PCDHGA2: variants seen among roughly 807,000 people sequenced by gnomAD.
The protein encoded by PCDHGA2 is protocadherin gamma-A2.
A neutral mutation model predicts 59.2 loss-of-function variants in PCDHGA2; 40 were observed. The ratio of observed to expected loss-of-function variants is 0.68; its 90% CI spans 0.52 to 0.88. PCDHGA2 has a LOEUF of 0.88. Among genes scored for constraint, PCDHGA2 ranks in the 40% least tolerant of loss-of-function variants. The pLI, the probability that PCDHGA2 is intolerant of heterozygous loss-of-function variation, is 0.00. For synonymous variants in PCDHGA2, 560 were observed against 526.0 expected, an observed-to-expected ratio of 1.06 and a Z score of -0.89; for missense variants, 1,226 against 1,204.0, an observed-to-expected ratio of 1.02 and a Z score of -0.27.
At chr5:141,437,741 CTT>C (rs35124340) in intron 1 of PCDHGA2, among the ~76,000 whole-genome samples, 17 of 141,612 alleles carry the variant, frequency 1.2e-4, no homozygotes, top group Admixed American at 2.1e-4. Flanking sequence ...TTGAGTTCAC[CTT>C]TTTTTTTTTT....
rs1596259997 is a variant in PCDHGA2, at chr5:141,509,990, A to G, written c.2573-957A>G. Among the ~76,000 whole-genome samples the G allele has an allele frequency of 2.6e-5, 4 of 152,266 alleles. No individual in the cohort carries two copies. The South Asian group carries it at 8.3e-4, about 32-fold the overall frequency. ...GGTCCTTCTAACACTTGGTTCCCTC[A>G]TCTGTAAAATGAGGGTCATACCACA... is the stretch of plus-strand genomic sequence containing the variant. On this transcript the variant is annotated intron_variant, in intron 3 of 3. Transcript: ENST00000394576.
chr5:141,472,290 C>T (rs2099275934), intron 1 of PCDHGA2, among the ~76,000 whole-genome samples: 2 of 152,096 alleles, frequency 1.3e-5, no homozygotes, highest in Admixed American at 6.6e-5. Flanking sequence ...ACCTGTAATC[C>T]CAGCACTTTG....
intron 1 of PCDHGA2, among the ~76,000 whole-genome samples, chr5:141,368,739 A>G (rs1261663293): frequency 6.6e-6 from 1 of 152,196 alleles, no homozygotes; most frequent in Non-Finnish European, 1.5e-5. Context: ...TATATACCAT[A>G]TACTTTTAAA....
Position 141,485,166 on chromosome 5 carries a change from C to T in PCDHGA2, c.2425-9641C>T, listed in dbSNP as rs1180453938. 2 of 1,606,374 alleles carry T rather than the reference C, an allele frequency of 1.2e-6. No individual in the cohort carries two copies. Among genetic ancestry groups the T allele is most frequent in the Non-Finnish European group, 8.5e-7 (1 of 1,174,214 alleles). ...CAGGAGCAAGTAGAGAATTAGCGGG[C>T]GGCAGCAATGCTCCGCAAGGTGAGA... On this transcript the variant is annotated intron_variant, in intron 1 of 3. Transcript: ENST00000394576. The surrounding 1 kb of genome is among the most constrained non-coding windows in gnomAD (Gnocchi z 5.7).
chr5:141,376,483 G>C (rs139873493), intron 1 of PCDHGA2: 3 of 1,614,058 alleles, frequency 1.9e-6, no homozygotes, highest in East Asian at 2.2e-5. Context: ...TACTTGAAAC[G>C]AAAGGAGAAC....
chr5:141,418,669 C>G, intron 1 of PCDHGA2: 1 of 1,614,018 alleles, frequency 6.2e-7, no homozygotes, highest in Non-Finnish European at 8.5e-7. Flanking sequence ...CTGACCAGGA[C>G]GAGGGCATCA....
At chr5:141,392,691 AC>A in intron 1 of PCDHGA2, 1 of 1,132,688 alleles carries the variant, frequency 8.8e-7, no homozygotes, top group Non-Finnish European at 1.2e-6. Context: ...GCGAAACCCG[AC>A]CCCTGTTTGG....
At chr5:141,422,348 A>G (rs1163115969) in intron 1 of PCDHGA2, 1 of 1,554,608 alleles carries the variant, frequency 6.4e-7, no homozygotes, top group Non-Finnish European at 8.7e-7. Context: ...AATGTGCAAG[A>G]TCAAGATTCT....
chr5:141,382,882 A>G, intron 1 of PCDHGA2: 1 of 1,528,134 alleles, frequency 6.5e-7, no homozygotes, highest in Non-Finnish European at 8.8e-7. Context: ...GCGCCTAAGC[A>G]AGAGAAGCAG....
At chr5:141,366,019 G>T in intron 1 of PCDHGA2, 2 of 1,614,226 alleles carry the variant, frequency 1.2e-6, no homozygotes, top group South Asian at 2.2e-5. Flanking sequence ...CTGAGATCCT[G>T]TACCCCGCCC....
chr5:141,376,310 G>C, intron 1 of PCDHGA2: 1 of 1,613,946 alleles, frequency 6.2e-7, no homozygotes. Flanking sequence ...CTTTGTGGGC[G>C]TGGAAGGGGT....
chr5:141,476,551 C>A lies in PCDHGA2; in HGVS notation c.2425-18256C>A, dbSNP rs367700651. 6.2e-7 allele frequency: 1 copy of A among 1,614,196 alleles called. No individual in the cohort carries two copies. The highest frequency in any genetic ancestry group is 1.7e-5 in the Admixed American group (1 of 60,028). ...CCCAGGAAATGAAATTGGAGATTAG[C>A]GAGGCCGTGGCTCCGGGGACGCGCT... On this transcript the variant is annotated intron_variant, in intron 1 of 3. Transcript: ENST00000394576. This position sits in a 1 kb window ranked among gnomAD's most constrained non-coding sequence, Gnocchi z 7.6.
intron 1 of PCDHGA2, chr5:141,351,101 T>C (rs765433940): frequency 6.2e-7 from 1 of 1,613,996 alleles, no homozygotes; most frequent in Non-Finnish European, 8.5e-7. Context: ...CTTCCTCAAT[T>C]CCCCAATAAG....
intron 1 of PCDHGA2, chr5:141,346,335 C>A: frequency 1.2e-6 from 2 of 1,614,240 alleles, no homozygotes; most frequent in Non-Finnish European, 1.7e-6. Context: ...GAAGAGCCAC[C>A]TGATTTTCCC....
rs57419416 is a variant in PCDHGA2, at chr5:141,368,862, T to C, written c.2424+27467T>C. On this transcript the variant is annotated intron_variant, in intron 1 of 3. Transcript: ENST00000394576. ...TTGGAAGGCACTTGCTTTGGAATGT[T>C]TTGGAGCAAAGTCTTGAGTCAGTTA... Among the ~76,000 whole-genome samples, 1,508 of 152,302 alleles carry C rather than the reference T, an allele frequency of 9.9e-3. 27 individuals are homozygous for C. Among genetic ancestry groups the C allele is most frequent in the African/African-American group, 0.034 (1,407 of 41,562 alleles).
chr5:141,421,885 G>T, intron 1 of PCDHGA2: 1 of 1,613,692 alleles, frequency 6.2e-7, no homozygotes, highest in Non-Finnish European at 8.5e-7. Context: ...AGATGGAGGC[G>T]ATCCCATCCG....
At chr5:141,433,111 C>T (rs2097569323) in intron 1 of PCDHGA2, 1 of 1,613,966 alleles carries the variant, frequency 6.2e-7, no homozygotes, top group African/African-American at 1.3e-5. Context: ...GCCAGGAGAG[C>T]TTTGAAAAAA....
intron 1 of PCDHGA2, chr5:141,364,536 G>A (rs759992552): frequency 6.2e-7 from 1 of 1,614,006 alleles, no homozygotes; most frequent in Non-Finnish European, 8.5e-7. Context: ...ATCGTCTCCA[G>A]AGGTAGGACG....
intron 1 of PCDHGA2, chr5:141,344,251 A>G: frequency 6.2e-7 from 1 of 1,614,062 alleles, no homozygotes; most frequent in Non-Finnish European, 8.5e-7. Context: ...GGTAGGACGC[A>G]GCTTTTCTCT....
Sources: allele counts gnomAD v4.1 joint callset (sites outside exome capture counted in the v4.1 genomes callset), GRCh38; gene constraint gnomAD v4.1.1; non-coding constraint Gnocchi (gnomAD v3.1); transcripts MANE v1.5; gene names NCBI Gene and HGNC (gene_info 2026-07-23, HGNC 2026-07-21).